Variants in KCNN3 observed in about 807,000 individuals in gnomAD.
KCNN3 encodes the protein potassium calcium-activated channel subfamily N member 3.
Under a neutral mutation model 62.9 loss-of-function variants are expected in KCNN3, and 16 were observed. That is an observed-to-expected ratio of 0.25 (90% confidence interval 0.17 to 0.39). The LOEUF is 0.39. Ranked by LOEUF, KCNN3 falls within the 10% of genes least tolerant of loss-of-function variation. The pLI is 1.00. For synonymous variants in KCNN3, 370 were observed against 389.2 expected, an observed-to-expected ratio of 0.95 and a Z score of 0.58; for missense variants, 599 against 949.4, an observed-to-expected ratio of 0.63 and a Z score of 4.85.
chr1:154,708,029 CA>C lies in KCNN3; in HGVS notation c.2142del (p.Ile714MetfsTer20). The part of the protein sequence containing the change: ...TTHTPISDSP[I>X]GVSSTSFPTP... ...GTCGGGAAGGAGGTGGAGCTGACCCCAATGGGGCTATCGGAGATTGGGGTGT... is the reference window on the plus strand; with the variant it reads ...GTCGGGAAGGAGGTGGAGCTGACCCCATGGGGCTATCGGAGATTGGGGTGT... On this transcript the variant is annotated frameshift_variant, in exon 8 of 8. Coordinates refer to ENST00000271915, the MANE Select transcript of KCNN3 (RefSeq NM_002249.6). LOFTEE classifies it high-confidence loss of function. The C allele has an allele frequency of 6.2e-7, 1 of 1,613,388 alleles. No homozygotes were observed. The highest frequency in any genetic ancestry group is 8.5e-7 in the Non-Finnish European group (1 of 1,179,568).
At chr1:154,860,150 G>C (rs1208780021) in intron 1 of KCNN3, among the ~76,000 whole-genome samples, 1 of 152,232 alleles carries the variant, frequency 6.6e-6, no homozygotes, top group Non-Finnish European at 1.5e-5. Flanking sequence ...GCTCCAAGCA[G>C]GGTGAAGGGG....
intron 1 of KCNN3, among the ~76,000 whole-genome samples, chr1:154,856,358 C>T (rs926267796): frequency 6.6e-6 from 1 of 152,160 alleles, no homozygotes; most frequent in Non-Finnish European, 1.5e-5. Context: ...AAGATAACGC[C>T]CCCCGCAGCC....
chr1:154,803,419 T>C (rs56128627), intron 2 of KCNN3, among the ~76,000 whole-genome samples: 10,777 of 152,294 alleles, frequency 0.071, 443 homozygotes, highest in Middle Eastern at 0.12. Context: ...ACCTGTCATT[T>C]GGGGATGATC....
intron 3 of KCNN3, among the ~76,000 whole-genome samples, chr1:154,758,491 G>T (rs537663594): frequency 6.6e-6 from 1 of 152,364 alleles, no homozygotes; most frequent in South Asian, 2.1e-4. Flanking sequence ...GTCTGAGAGG[G>T]CCCGCAGGGG....
At chr1:154,755,219 C>T (rs1047025485) in intron 3 of KCNN3, among the ~76,000 whole-genome samples, 1 of 152,098 alleles carries the variant, frequency 6.6e-6, no homozygotes, top group Non-Finnish European at 1.5e-5. Context: ...ACCTATAATC[C>T]TAATACTTGG....
In KCNN3 at chr1:154,797,514, A is replaced by T. The variant is rs565270698; in HGVS notation, c.1029+24575T>A. 7.9e-5 allele frequency among the ~76,000 whole-genome samples: 12 copies of T among 151,968 alleles called. No homozygotes were observed. The East Asian group carries it at 9.7e-4, about 12-fold the overall frequency. On this transcript the variant is annotated intron_variant, in intron 2 of 7. Transcript: ENST00000271915. Reference sequence around the variant, plus strand: ...ACCCTAATTCATTTCTTCCTCCATGACCCCCCATCACTGCCACATTCCGTT... The same window carrying T: ...ACCCTAATTCATTTCTTCCTCCATGTCCCCCCATCACTGCCACATTCCGTT...
intron 5 of KCNN3, among the ~76,000 whole-genome samples, chr1:154,723,027 G>A (rs572181262): frequency 6.6e-6 from 1 of 152,152 alleles, no homozygotes; most frequent in Admixed American, 6.5e-5. Context: ...ACCGCACCCG[G>A]CTGCTTAGCA....
Position 154,777,847 on chromosome 1 carries a change from C to G in KCNN3, c.1030-5454G>C, listed in dbSNP as rs191135333. 3.8e-3 allele frequency among the ~76,000 whole-genome samples: 574 copies of G among 152,296 alleles called. 3 individuals carry two copies. Among genetic ancestry groups the G allele is most frequent in the Non-Finnish European group, 4.5e-3 (309 of 68,036 alleles). On this transcript the variant is annotated intron_variant, in intron 2 of 7. Coordinates refer to ENST00000271915, the MANE Select transcript of KCNN3 (RefSeq NM_002249.6). ...TGGTCTGTTCTGGCCTGTTCCAGAG[C>G]AGGAGAAGCCACAGAGGCCCAGGGC...
At chr1:154,847,463 G>A (rs1003647632) in intron 1 of KCNN3, among the ~76,000 whole-genome samples, 45 of 152,350 alleles carry the variant, frequency 3.0e-4, no homozygotes, top group Admixed American at 2.7e-3. Flanking sequence ...GGCTGGCCAT[G>A]CTGACCCAAG....
intron 3 of KCNN3, among the ~76,000 whole-genome samples, chr1:154,734,975 C>T (rs905924264): frequency 8.4e-6 from 1 of 118,520 alleles, no homozygotes; most frequent in African/African-American, 2.8e-5. Flanking sequence ...CACCTGGGCT[C>T]CAGTAGCAGG....
At chr1:154,857,964 C>G (rs886825460) in intron 1 of KCNN3, among the ~76,000 whole-genome samples, 1 of 152,184 alleles carries the variant, frequency 6.6e-6, no homozygotes, top group Non-Finnish European at 1.5e-5. Flanking sequence ...GCTGTGGACA[C>G]AGGCTTTCTT....
chr1:154,801,529 G>A (rs1187828607), intron 2 of KCNN3, among the ~76,000 whole-genome samples: 1 of 152,134 alleles, frequency 6.6e-6, no homozygotes, highest in African/African-American at 2.4e-5. Context: ...CCTGAAAGAA[G>A]AGTTAGCCAA....
rs16836283 is a variant in KCNN3, at chr1:154,727,726, T to G, written c.1591-1700A>C. On this transcript the variant is annotated intron_variant, in intron 4 of 7. Transcript: ENST00000271915. ...GACTCTGTGCCCAATTTTCAAAGGA[T>G]CTGGGCAGTTGCACAGCCTGGTCTG... Among the ~76,000 whole-genome samples the G allele has an allele frequency of 9.1e-3, 1,380 of 152,344 alleles. 12 individuals carry two copies. The highest frequency in any genetic ancestry group is 0.015 in the Non-Finnish European group (998 of 68,032).
chr1:154,755,602 AG>A (rs1164881344), intron 3 of KCNN3, among the ~76,000 whole-genome samples: 1 of 72,268 alleles, frequency 1.4e-5, no homozygotes, highest in Non-Finnish European at 2.5e-5. Context: ...GGAGGGAGGG[AG>A]GGGGAGGGAG....
Position 154,702,676 on chromosome 1 carries a change from C to G in KCNN3, c.*5300G>C, listed in dbSNP as rs1049155285. 6.4e-5 allele frequency: 8 copies of G among 125,976 alleles called. No homozygotes were observed. Among genetic ancestry groups the G allele is most frequent in the African/African-American group, 2.3e-4 (8 of 34,206 alleles). 7.8% of individuals were successfully genotyped at this position (125,976 alleles called of 1,614,324 possible). Reference sequence around the variant, plus strand: ...CTTGTCCTTCTTGAGTGAAGCTGGACGTTGGCTGCTTCGATCTGATTCAGA... The same window carrying G: ...CTTGTCCTTCTTGAGTGAAGCTGGAGGTTGGCTGCTTCGATCTGATTCAGA... On this transcript the variant is annotated 3_prime_UTR_variant, in exon 8 of 8. Transcript: ENST00000271915.
intron 1 of KCNN3, among the ~76,000 whole-genome samples, chr1:154,825,256 G>A (rs931881168): frequency 4.6e-5 from 7 of 152,056 alleles, no homozygotes; most frequent in South Asian, 2.1e-4. Flanking sequence ...GGAATCCAGC[G>A]GTCAACTGGT....
chr1:154,733,186 C>A, intron 3 of KCNN3, 42 bp from the exon 4 acceptor site: 1 of 1,609,440 alleles, frequency 6.2e-7, no homozygotes, highest in Admixed American at 1.7e-5. Flanking sequence ...AACAGCCATT[C>A]CTGGGAGTAA....
rs778987933 is a variant in KCNN3, at chr1:154,714,855, G to A, written c.1829+21C>T. ...CTCCCAGTCTGGTCATCTGATGGCTGAACCGCTCTGGCATACTCACTGGTG... is the reference window on the plus strand; with the variant it reads ...CTCCCAGTCTGGTCATCTGATGGCTAAACCGCTCTGGCATACTCACTGGTG... On this transcript the variant is annotated intron_variant, in intron 6 of 7. Transcript: ENST00000271915. 2.9e-5 allele frequency: 47 copies of A among 1,612,868 alleles called. 1 individual carries two copies. The South Asian group carries it at 4.6e-4, about 16-fold the overall frequency.
chr1:154,863,235 A>G (rs1370150367), intron 1 of KCNN3, among the ~76,000 whole-genome samples: 1 of 151,590 alleles, frequency 6.6e-6, no homozygotes, highest in Non-Finnish European at 1.5e-5. Context: ...GGGTCGGGGG[A>G]GGGGGCACTT....
Sources: allele counts gnomAD v4.1 joint callset (sites outside exome capture counted in the v4.1 genomes callset), GRCh38; gene constraint gnomAD v4.1.1; transcripts MANE v1.5; gene names NCBI Gene and HGNC (gene_info 2026-07-23, HGNC 2026-07-21).